Variants in PPP2R5A observed in about 807,000 individuals in gnomAD.
The protein encoded by PPP2R5A is serine/threonine-protein phosphatase 2A 56 kDa regulatory subunit alpha isoform.
PPP2R5A carries 25 observed loss-of-function variants against 64.2 expected under a neutral mutation model. That is an observed-to-expected ratio of 0.39 (90% CI 0.28 to 0.54). The LOEUF is 0.54. Among genes scored for constraint, PPP2R5A ranks in the 20% least tolerant of loss-of-function variants. The pLI, the probability that PPP2R5A is intolerant of heterozygous loss-of-function variation, is 0.67. For synonymous variants in PPP2R5A, 198 were observed against 201.2 expected (o/e 0.98, Z 0.13); for missense variants, 425 against 576.3 (o/e 0.74, Z 2.69).
At position 212,360,380 on chromosome 1, in the gene PPP2R5A, T is replaced by G. The variant is rs770758233; in HGVS notation, c.1329-258T>G. ...GTACTTTGTTGACTATAAAGTACAG[T>G]GTCATGGTAGTGATAATGTGTAGGG... On this transcript the variant is annotated intron_variant, in intron 12 of 12. Coordinates refer to ENST00000261461, the MANE Select transcript of PPP2R5A (RefSeq NM_006243.4). Among the ~76,000 whole-genome samples the G allele has an allele frequency of 2.6e-5, 4 of 152,178 alleles. No individual in the cohort carries two copies. In the South Asian group the frequency reaches 8.3e-4, roughly 31 times the overall value.
intron 4 of PPP2R5A, among the ~76,000 whole-genome samples, chr1:212,342,548 C>A (rs190152302): frequency 6.6e-6 from 1 of 152,158 alleles, no homozygotes; most frequent in Non-Finnish European, 1.5e-5. Context: ...GAAAAACAAG[C>A]CTTTCTGCAG....
intron 1 of PPP2R5A, among the ~76,000 whole-genome samples, chr1:212,288,663 T>C (rs1481909012): frequency 6.6e-6 from 1 of 152,238 alleles, no homozygotes; most frequent in Non-Finnish European, 1.5e-5. Context: ...ATTGGAACTT[T>C]GGCAGTGTAC....
At chr1:212,343,233 G>T (rs911357930) in intron 4 of PPP2R5A, among the ~76,000 whole-genome samples, 1 of 152,174 alleles carries the variant, frequency 6.6e-6, no homozygotes, top group Admixed American at 6.5e-5. Context: ...GATTACAGGT[G>T]TGAGCCACTG....
At chr1:212,309,858 C>A (rs760278184) in intron 1 of PPP2R5A, among the ~76,000 whole-genome samples, 3 of 152,016 alleles carry the variant, frequency 2.0e-5, no homozygotes, top group Non-Finnish European at 2.9e-5. Context: ...TTTTGTGATA[C>A]CCACCACCAC....
At chr1:212,359,019 TG>T (rs1429268029) in intron 12 of PPP2R5A, among the ~76,000 whole-genome samples, 4 of 152,266 alleles carry the variant, frequency 2.6e-5, no homozygotes, top group African/African-American at 7.2e-5. Flanking sequence ...CATTTATTTT[TG>T]AGGGTAGTTA....
chr1:212,320,715 C>T (rs1382668525), intron 1 of PPP2R5A, among the ~76,000 whole-genome samples: 47 of 109,636 alleles, frequency 4.3e-4, no homozygotes, highest in South Asian at 1.3e-3. Flanking sequence ...CCGGATGGGG[C>T]GGCTGGCCGG....
chr1:212,309,387 G>A (rs540375198), intron 1 of PPP2R5A: 7 of 1,488,192 alleles, frequency 4.7e-6, no homozygotes, highest in East Asian at 4.5e-5. Flanking sequence ...GCCGGAAGGT[G>A]GGTGACGTGC....
At chr1:212,320,351 A>G (rs1200055232) in intron 1 of PPP2R5A, among the ~76,000 whole-genome samples, 1 of 152,124 alleles carries the variant, frequency 6.6e-6, no homozygotes, top group Non-Finnish European at 1.5e-5. Context: ...ACCTCTTTCT[A>G]CACAGACATG....
chr1:212,305,085 G>A (rs1387738796), intron 1 of PPP2R5A, among the ~76,000 whole-genome samples: 1 of 141,396 alleles, frequency 7.1e-6, no homozygotes. Flanking sequence ...CTGTCAGGCT[G>A]GAGTGCAGTG....
chr1:212,299,348 T>C (rs1398207919), intron 1 of PPP2R5A: 2 of 152,244 alleles, frequency 1.3e-5, no homozygotes, highest in African/African-American at 4.8e-5. Flanking sequence ...CTCAAAGTTA[T>C]AATGATCTGT....
chr1:212,289,604 ATCTT>A (rs1388036992), intron 1 of PPP2R5A, among the ~76,000 whole-genome samples: 3 of 152,100 alleles, frequency 2.0e-5, no homozygotes, highest in South Asian at 2.1e-4. Context: ...TAAATTTTTA[ATCTT>A]TCTAAGTCGT....
rs573254711 is a variant in PPP2R5A at position 212,353,459 on chromosome 1, C to CA, written c.928-3165dup. On this transcript the variant is annotated intron_variant, in intron 8 of 12. Transcript: ENST00000261461. ...TCATGAGATCATCATAGAAGTCTGCCAACCAAAGGAGCCTGCTACATTTTT... is the reference window on the plus strand; with the variant it reads ...TCATGAGATCATCATAGAAGTCTGCCAAACCAAAGGAGCCTGCTACATTTTT... 9.2e-4 allele frequency among the ~76,000 whole-genome samples: 140 copies of CA among 152,252 alleles called. 2 individuals carry two copies. The highest frequency in any genetic ancestry group is 3.2e-3 in the African/African-American group (135 of 41,558).
At chr1:212,325,541 T>C (rs578045994) in intron 1 of PPP2R5A, among the ~76,000 whole-genome samples, 1 of 152,252 alleles carries the variant, frequency 6.6e-6, no homozygotes, top group Non-Finnish European at 1.5e-5. Flanking sequence ...GAGTTTGTAT[T>C]ACTATTAGCG....
At chr1:212,289,958 A>AT (rs1409232779) in intron 1 of PPP2R5A, among the ~76,000 whole-genome samples, 1 of 152,202 alleles carries the variant, frequency 6.6e-6, no homozygotes, top group Non-Finnish European at 1.5e-5. Flanking sequence ...CTGTGATAAG[A>AT]TTTTTTTACC....
intron 1 of PPP2R5A, among the ~76,000 whole-genome samples, chr1:212,303,117 C>G (rs1345104887): frequency 2.6e-5 from 4 of 152,118 alleles, no homozygotes; most frequent in Admixed American, 2.6e-4. Flanking sequence ...AGGAGTGGAA[C>G]TGCTCGGTCA....
intron 1 of PPP2R5A, among the ~76,000 whole-genome samples, chr1:212,297,263 A>G (rs376245): frequency 0.68 from 102,444 of 150,474 alleles, 36,539 homozygotes; most frequent in African/African-American, 0.91. Flanking sequence ...CTGCCACCAT[A>G]CCTGGCTAAT....
At position 212,308,410 on chromosome 1, in the gene PPP2R5A, C is replaced by CTT. The variant is rs35324374; in HGVS notation, c.182-20710_182-20709dup. Among the ~76,000 whole-genome samples the CTT allele has an allele frequency of 5.5e-3, 711 of 128,446 alleles. 16 individuals are homozygous for CTT. The highest frequency in any genetic ancestry group is 0.017 in the African/African-American group (566 of 33,942). The allele number at this position is 128,446 out of a possible 152,430, so 84.3% of individuals were successfully genotyped here. On this transcript the variant is annotated intron_variant, in intron 1 of 12. Transcript: ENST00000261461. ...TTACTCAATACATTATGTTGGTACACTTTTTTTTTTTTTTTTGAGATGGAG... is the reference window on the plus strand; with the variant it reads ...TTACTCAATACATTATGTTGGTACACTTTTTTTTTTTTTTTTTTGAGATGGAG...
intron 1 of PPP2R5A, among the ~76,000 whole-genome samples, chr1:212,308,566 G>GCC (rs1358675870): frequency 6.6e-6 from 1 of 151,950 alleles, no homozygotes; most frequent in Non-Finnish European, 1.5e-5. Context: ...CTGCCACCAT[G>GCC]CCCGGCTAAT....
At chr1:212,355,672 T>G (rs551694373) in intron 8 of PPP2R5A, among the ~76,000 whole-genome samples, 3 of 139,566 alleles carry the variant, frequency 2.1e-5, no homozygotes, top group African/African-American at 7.7e-5. Context: ...ATGATCTGGG[T>G]TTTTTTTTTT....
Sources: allele counts gnomAD v4.1 joint callset (sites outside exome capture counted in the v4.1 genomes callset), GRCh38; gene constraint gnomAD v4.1.1; transcripts MANE v1.5; gene names NCBI Gene and HGNC (gene_info 2026-07-23, HGNC 2026-07-21).